Variants in MNS1 observed in about 807,000 individuals in gnomAD.
The protein encoded by MNS1 is meiosis-specific nuclear structural protein 1.
Under a neutral mutation model 72.0 loss-of-function variants are expected in MNS1, and 63 were observed. The ratio of observed to expected loss-of-function variants is 0.87; its 90% CI spans 0.71 to 1.08. The LOEUF (loss-of-function observed/expected upper bound fraction) is 1.08, where lower values mean the gene tolerates loss of function less well. Ranked by LOEUF, MNS1 falls within the 50% of genes least tolerant of loss-of-function variation. The pLI is 0.00. For synonymous variants in MNS1, 188 were observed against 172.1 expected, an observed-to-expected ratio of 1.09 and a Z score of -0.72; for missense variants, 604 against 562.4, an observed-to-expected ratio of 1.07 and a Z score of -0.75.
At chr15:56,461,975 G>T (rs111327379) in intron 2 of MNS1, among the ~76,000 whole-genome samples, 9 of 97,910 alleles carry the variant, frequency 9.2e-5, no homozygotes, top group Non-Finnish European at 1.5e-4. Context: ...TTTTGTTGTT[G>T]TTTTTTTTTT....
chr15:56,447,807 T>TAGA (rs2050918590), intron 3 of MNS1: 2 of 152,296 alleles, frequency 1.3e-5, no homozygotes, highest in South Asian at 4.1e-4. Flanking sequence ...ACCTCTCTTC[T>TAGA]ACCCCTTTAT....
chr15:56,462,365 A>T (rs1479755476), intron 2 of MNS1, among the ~76,000 whole-genome samples: 1 of 152,198 alleles, frequency 6.6e-6, no homozygotes, highest in African/African-American at 2.4e-5. Flanking sequence ...TGGCATCACT[A>T]AAAGTGGAAC....
chr15:56,464,456 T>G (rs2051045275), intron 1 of MNS1, among the ~76,000 whole-genome samples: 1 of 152,182 alleles, frequency 6.6e-6, no homozygotes, highest in South Asian at 2.1e-4. Context: ...ATTTTATAGA[T>G]GAAACATGAA....
chr15:56,463,908 C>A (rs776852474), intron 2 of MNS1, 118 bp downstream of exon 2: 4 of 791,436 alleles, frequency 5.1e-6, no homozygotes, highest in Non-Finnish European at 8.0e-6. Context: ...GAGGCACAAT[C>A]AGGCATCACT....
intron 7 of MNS1, among the ~76,000 whole-genome samples, chr15:56,441,669 G>T (rs1284009062): frequency 2.6e-5 from 4 of 152,034 alleles, no homozygotes; most frequent in Non-Finnish European, 5.9e-5. Context: ...ATCTGACAAA[G>T]GTCTAATATC....
intron 4 of MNS1, among the ~76,000 whole-genome samples, chr15:56,446,254 A>ATG (rs1315035391): frequency 1.3e-5 from 2 of 151,964 alleles, no homozygotes; most frequent in Non-Finnish European, 2.9e-5. Context: ...TCAAGGGATG[A>ATG]TGTGCACCCT....
intron 9 of MNS1, 154 bp from the exon 10 acceptor site, chr15:56,429,347 C>T: frequency 1.8e-6 from 1 of 566,914 alleles, no homozygotes; most frequent in Admixed American, 3.9e-5. Flanking sequence ...CAATACTTTT[C>T]AAAAAATAAG....
chr15:56,450,571 C>T lies in MNS1; in HGVS notation c.354-3628G>A, dbSNP rs1038113133. Among the ~76,000 whole-genome samples, 3 of 152,130 alleles carry T rather than the reference C, an allele frequency of 2.0e-5. No homozygotes were observed. In the East Asian group the frequency reaches 5.8e-4, roughly 29 times the overall value. On this transcript the variant is annotated intron_variant, in intron 3 of 9. Coordinates refer to ENST00000260453, the MANE Select transcript of MNS1 (RefSeq NM_018365.4). ...TTTTCAAGGTTCACTAATATTTTAGCATGTATCAGTGCTTCATTTTTTTTT... is the reference window on the plus strand; with the variant it reads ...TTTTCAAGGTTCACTAATATTTTAGTATGTATCAGTGCTTCATTTTTTTTT...
chr15:56,446,260 A>G (rs2050901878), intron 4 of MNS1, among the ~76,000 whole-genome samples: 1 of 151,926 alleles, frequency 6.6e-6, no homozygotes. Context: ...GATGATGTGC[A>G]CCCTTTTAAT....
chr15:56,443,433 T>C lies in MNS1; in HGVS notation c.1008A>G (p.Leu336=), dbSNP rs1216070170. ...EEQAEIYKSK[L]KEEAEKKLRK... is the part of the protein sequence containing the mutation. ...TCTTTCCATTTCTGAAACTTACTTT[T>C]AGCTTGCTCTTATATATTTCAGCTT... Residue 336 remains leucine (L), a synonymous_variant, in exon 7 of 10, where the codon CTA becomes CTG. Transcript: ENST00000260453. 11 of 1,562,254 alleles carry C rather than the reference T, an allele frequency of 7.0e-6. No individual in the cohort carries two copies. Among genetic ancestry groups the C allele is most frequent in the Non-Finnish European group, 8.6e-6 (10 of 1,162,362 alleles).
intron 8 of MNS1, among the ~76,000 whole-genome samples, chr15:56,433,232 C>T (rs2050646233): frequency 7.1e-6 from 1 of 141,292 alleles, no homozygotes; most frequent in Non-Finnish European, 1.5e-5. Context: ...GGGAGAGGAA[C>T]ATCATCACAC....
chr15:56,438,061 A>G (rs1259147484), intron 7 of MNS1, among the ~76,000 whole-genome samples: 2 of 152,218 alleles, frequency 1.3e-5, no homozygotes, highest in African/African-American at 4.8e-5. Flanking sequence ...TACAGATTCA[A>G]TGCCATCCAC....
intron 8 of MNS1, 44 bp from the exon 9 acceptor site, chr15:56,431,542 C>T: frequency 6.2e-7 from 1 of 1,605,118 alleles, no homozygotes; most frequent in Non-Finnish European, 8.5e-7. Context: ...GTACATTAAT[C>T]TTATACGAAG....
intron 5 of MNS1, 91 bp downstream of exon 5, chr15:56,444,353 C>A: frequency 9.6e-7 from 1 of 1,045,628 alleles, no homozygotes. Flanking sequence ...ATGTATTAGG[C>A]ACTGTTCTAG....
At position 56,444,524 on chromosome 15, in the gene MNS1, C is replaced by CA; in HGVS notation, c.605_606insT (p.Lys202AsnfsTer6). Reference sequence around the variant, plus strand: ...TTAGCAGCTGCTCATAAGCTTCCTGCTTTTTTTTTTCTTGTTCTTCAAGTT... The same window carrying CA: ...TTAGCAGCTGCTCATAAGCTTCCTGCATTTTTTTTTTCTTGTTCTTCAAGTT... On this transcript the variant is annotated frameshift_variant, in exon 5 of 10. Transcript: ENST00000260453. LOFTEE classifies it high-confidence loss of function. 1.3e-6 allele frequency: 2 copies of CA among 1,511,610 alleles called. No homozygotes were observed. The highest frequency in any genetic ancestry group is 1.8e-6 in the Non-Finnish European group (2 of 1,105,140). The allele number at this position is 1,511,610 out of a possible 1,614,324, so 93.6% of individuals were successfully genotyped here. A position where few individuals can be genotyped will look rare whatever the true frequency, so the allele number is the denominator to read the frequency against.
intron 3 of MNS1, among the ~76,000 whole-genome samples, chr15:56,455,500 G>A (rs762408395): frequency 2.0e-5 from 3 of 152,230 alleles, no homozygotes; most frequent in South Asian, 4.1e-4. Context: ...CATGTTTCCT[G>A]TAATATTCTA....
chr15:56,463,804 A>G (rs1023579917), intron 2 of MNS1: 1 of 481,350 alleles, frequency 2.1e-6, no homozygotes, highest in Non-Finnish European at 3.6e-6. Flanking sequence ...AGTAAAAGCA[A>G]CTTACTCAAG....
intron 3 of MNS1, among the ~76,000 whole-genome samples, chr15:56,454,633 G>C (rs2050969600): frequency 6.6e-6 from 1 of 152,032 alleles, no homozygotes; most frequent in Admixed American, 6.6e-5. Flanking sequence ...ATGAGTGAAA[G>C]TACTGTTTTC....
chr15:56,463,004 G>A (rs1055166640), intron 2 of MNS1, among the ~76,000 whole-genome samples: 1 of 151,984 alleles, frequency 6.6e-6, no homozygotes, highest in Non-Finnish European at 1.5e-5. Flanking sequence ...ACACAGAAGG[G>A]TGGATATCAT....
Sources: allele counts gnomAD v4.1 joint callset (sites outside exome capture counted in the v4.1 genomes callset), GRCh38; gene constraint gnomAD v4.1.1; transcripts MANE v1.5; gene names NCBI Gene and HGNC (gene_info 2026-07-23, HGNC 2026-07-21).